The following MLF1 variants were observed in gnomAD, a reference collection of about 807,000 sequenced individuals.
MLF1 encodes the protein myeloid leukemia factor 1, also known as myelodysplasia-myeloid leukemia factor 1.
A neutral mutation model predicts 38.3 loss-of-function variants in MLF1; 37 were observed. The observed-to-expected ratio is 0.96, with a 90% CI of 0.74 to 1.27. MLF1 has a LOEUF of 1.27. MLF1 is among the 50% of genes most tolerant of loss of function. The pLI is 0.00. For synonymous variants in MLF1, 95 were observed against 106.5 expected (o/e 0.89, Z 0.66); for missense variants, 331 against 349.2 (o/e 0.95, Z 0.42).
intron 1 of MLF1, among the ~76,000 whole-genome samples, chr3:158,580,987 C>G (rs1716253509): frequency 6.6e-6 from 1 of 152,082 alleles, no homozygotes; most frequent in Admixed American, 6.6e-5. Flanking sequence ...AAGGTTACCA[C>G]TTCACGCTAA....
intron 1 of MLF1, among the ~76,000 whole-genome samples, chr3:158,572,792 T>C (rs1434312020): frequency 1.1e-5 from 1 of 90,266 alleles, no homozygotes; most frequent in Admixed American, 1.1e-4. Flanking sequence ...GGGAGGAGGG[T>C]TTGGGGGCGT....
At chr3:158,596,836 A>G (rs745649141) in intron 3 of MLF1, 26 bp from the exon 4 acceptor site, 3 of 1,516,092 alleles carry the variant, frequency 2.0e-6, no homozygotes, top group Non-Finnish European at 2.7e-6. Flanking sequence ...CCTACAGTTA[A>G]TAACATACTT....
At chr3:158,578,380 A>AGTGTGTGTGTGT (rs113149645) in intron 1 of MLF1, among the ~76,000 whole-genome samples, 3,795 of 149,442 alleles carry the variant, frequency 0.025, 62 homozygotes, top group African/African-American at 0.047. Flanking sequence ...AGGCAAAATA[A>AGTGTGTGTGTGT]GTGTGTGTGT....
chr3:158,574,684 CAAAA>C (rs59567882), intron 1 of MLF1, among the ~76,000 whole-genome samples: 7 of 108,786 alleles, frequency 6.4e-5, no homozygotes, highest in Non-Finnish European at 7.7e-5. Context: ...AACACTGTCT[CAAAA>C]AAAAAAAAAA....
In MLF1 at chr3:158,600,392, T is replaced by C. The variant is rs1460788694; in HGVS notation, c.613+219T>C. Among the ~76,000 whole-genome samples, 4 of 151,402 alleles carry C rather than the reference T, an allele frequency of 2.6e-5. No individual in the cohort carries two copies. In the East Asian group the frequency reaches 5.8e-4, roughly 22 times the overall value. On this transcript the variant is annotated intron_variant, in intron 6 of 7. Transcript: ENST00000466246. ...ATATGGGATATTACTTATTTTTATTTTATCCTTGGAAAGTGGAATCTTTTG... is the reference window on the plus strand; with the variant it reads ...ATATGGGATATTACTTATTTTTATTCTATCCTTGGAAAGTGGAATCTTTTG...
At chr3:158,600,288 A>G (rs570426113) in intron 6 of MLF1, 115 bp downstream of exon 6, 17 of 483,268 alleles carry the variant, frequency 3.5e-5, no homozygotes, top group Non-Finnish European at 5.0e-5. Flanking sequence ...TAATGCATGT[A>G]GAGAATACCT....
At chr3:158,592,645 C>A in intron 2 of MLF1, 64 bp downstream of exon 2, 1 of 1,287,130 alleles carries the variant, frequency 7.8e-7, no homozygotes, top group Non-Finnish European at 1.1e-6. Context: ...AAAAGTATTA[C>A]AGAAGTATAT....
intron 7 of MLF1, among the ~76,000 whole-genome samples, chr3:158,604,187 C>G (rs971890320): frequency 6.6e-6 from 1 of 152,154 alleles, no homozygotes; most frequent in African/African-American, 2.4e-5. Context: ...TGAAAACTTG[C>G]TCCCATATTC....
At chr3:158,599,991 A>G (rs763223053) in intron 5 of MLF1, 23 bp from the exon 6 acceptor site, 2 of 1,210,204 alleles carry the variant, frequency 1.7e-6, no homozygotes, top group African/African-American at 3.2e-5. Context: ...TTAAATAATA[A>G]TAAAATTTCT....
intron 1 of MLF1, among the ~76,000 whole-genome samples, chr3:158,591,632 A>G (rs1475339158): frequency 2.0e-5 from 3 of 152,150 alleles, no homozygotes; most frequent in Admixed American, 2.0e-4. Context: ...TTGCCTTGGT[A>G]AAGTGAGCTC....
intron 1 of MLF1, chr3:158,590,975 C>CT (rs1718030744): frequency 1.2e-5 from 5 of 414,344 alleles, no homozygotes; most frequent in South Asian, 8.7e-5. Flanking sequence ...AACAATTATG[C>CT]TTTTTTTAAC....
At position 158,592,431 on chromosome 3, in the gene MLF1, C is replaced by T. The variant is rs762783214; in HGVS notation, c.48-3C>T. On this transcript the variant is annotated splice_polypyrimidine_tract_variant and splice_region_variant and intron_variant, in intron 1 of 7. Coordinates refer to ENST00000466246, the MANE Select transcript of MLF1 (RefSeq NM_001369783.1). ...CTTTCATGATTATGTATATTTTCAACAGTGAGTCCATTCTTGCACACCGAG... is the reference window on the plus strand; with the variant it reads ...CTTTCATGATTATGTATATTTTCAATAGTGAGTCCATTCTTGCACACCGAG... 8.8e-6 allele frequency: 14 copies of T among 1,598,366 alleles called. No individual in the cohort carries two copies. In the South Asian group the frequency reaches 1.2e-4, roughly 14 times the overall value.
Position 158,590,595 on chromosome 3 carries a change from A to C in MLF1, c.48-1839A>C, listed in dbSNP as rs151205235. ...ACTGAAATAGAGAACAACATGGATGAATCAAAGAAGCATTATGCTAAGGGA... is the reference window on the plus strand; with the variant it reads ...ACTGAAATAGAGAACAACATGGATGCATCAAAGAAGCATTATGCTAAGGGA... On this transcript the variant is annotated intron_variant, in intron 1 of 7. Coordinates refer to ENST00000466246, the MANE Select transcript of MLF1 (RefSeq NM_001369783.1). Among the ~76,000 whole-genome samples the C allele has an allele frequency of 3.0e-3, 460 of 152,340 alleles. 2 individuals carry two copies. The highest frequency in any genetic ancestry group is 0.01 in the African/African-American group (424 of 41,582).
intron 1 of MLF1, among the ~76,000 whole-genome samples, chr3:158,579,426 GAC>G (rs1297758838): frequency 2.6e-5 from 4 of 152,190 alleles, no homozygotes; most frequent in Non-Finnish European, 4.4e-5. Flanking sequence ...GAATGGTTCA[GAC>G]AGTTGCAAAC....
chr3:158,576,905 C>T (rs1715539014), intron 1 of MLF1, among the ~76,000 whole-genome samples: 1 of 152,096 alleles, frequency 6.6e-6, no homozygotes, highest in African/African-American at 2.4e-5. Context: ...AACTCCTGAT[C>T]TCGTGATATG....
chr3:158,590,371 G>A (rs1717940810), intron 1 of MLF1, among the ~76,000 whole-genome samples: 1 of 152,082 alleles, frequency 6.6e-6, no homozygotes, highest in Non-Finnish European at 1.5e-5. Flanking sequence ...CTCAGTTACA[G>A]TTTTCATAAA....
At position 158,594,161 on chromosome 3, in the gene MLF1, G is replaced by C. The variant is rs575607940; in HGVS notation, c.240+735G>C. Among the ~76,000 whole-genome samples, 129 of 152,222 alleles carry C rather than the reference G, an allele frequency of 8.5e-4. 3 individuals carry two copies. In the South Asian group the frequency reaches 0.026, roughly 30 times the overall value. ...GTAAGACAAATAACAAAAAAAAGCAGTTATAACACAGAGTTATGAGTAAAA... is the reference window on the plus strand; with the variant it reads ...GTAAGACAAATAACAAAAAAAAGCACTTATAACACAGAGTTATGAGTAAAA... On this transcript the variant is annotated intron_variant, in intron 3 of 7. Coordinates refer to ENST00000466246, the MANE Select transcript of MLF1 (RefSeq NM_001369783.1).
intron 6 of MLF1, among the ~76,000 whole-genome samples, 181 bp downstream of exon 6, chr3:158,600,354 G>A (rs1179413781): frequency 1.3e-5 from 2 of 151,732 alleles, no homozygotes; most frequent in Non-Finnish European, 2.9e-5. Flanking sequence ...CTTTTTTATA[G>A]TGATTTTTGG....
intron 1 of MLF1, among the ~76,000 whole-genome samples, chr3:158,584,728 T>A (rs9810339): frequency 2.0e-5 from 3 of 149,650 alleles, no homozygotes; most frequent in East Asian, 2.0e-4. Context: ...TACCCCCCCC[T>A]ACCAATAGAA....
Sources: gnomAD v4.1 joint callset for allele counts (sites outside exome capture counted in the v4.1 genomes callset) on GRCh38, gnomAD v4.1.1 for gene constraint, MANE v1.5 for transcripts, NCBI Gene and HGNC (gene_info 2026-07-23, HGNC 2026-07-21) for gene names.